SYN3: variants seen among roughly 807,000 people sequenced by gnomAD.
SYN3 encodes synapsin III, also known as synapsin-3.
Under a neutral mutation model 65.8 loss-of-function variants are expected in SYN3, and 35 were observed. That is an observed-to-expected ratio of 0.53 (90% CI 0.41 to 0.70). SYN3 has a LOEUF of 0.70. SYN3 is among the 30% of genes least tolerant of loss of function. SYN3 has a pLI of 0.00. For missense variants in SYN3, 680 were observed against 749.0 expected, an observed-to-expected ratio of 0.91 and a Z score of 1.08; for synonymous variants, 270 against 292.9, an observed-to-expected ratio of 0.92 and a Z score of 0.80.
chr22:32,528,475 G>A (rs547634656), intron 11 of SYN3, among the ~76,000 whole-genome samples: 2 of 152,268 alleles, frequency 1.3e-5, no homozygotes, highest in South Asian at 2.1e-4. Context: ...ACACAATAGC[G>A]TCCATTGACT....
chr22:32,690,787 A>G (rs2060651533), intron 6 of SYN3, among the ~76,000 whole-genome samples: 1 of 152,160 alleles, frequency 6.6e-6, no homozygotes, highest in South Asian at 2.1e-4. Context: ...ATACCAGGGG[A>G]CAGTTCTGAT....
chr22:32,739,177 G>GGA (rs1555942788), intron 6 of SYN3, among the ~76,000 whole-genome samples: 1 of 150,766 alleles, frequency 6.6e-6, no homozygotes. Context: ...GAATCACAGG[G>GGA]GGGGGGCGGT....
At chr22:32,750,000 G>GT (rs1266255180) in intron 6 of SYN3, among the ~76,000 whole-genome samples, 4 of 152,198 alleles carry the variant, frequency 2.6e-5, no homozygotes, top group African/African-American at 9.7e-5. Context: ...TTGAAGGAGG[G>GT]TAGACGTAGG....
intron 6 of SYN3, among the ~76,000 whole-genome samples, chr22:32,632,861 G>A (rs1231777973): frequency 1.3e-5 from 2 of 152,210 alleles, no homozygotes; most frequent in East Asian, 1.9e-4. Context: ...CAAGACCCGG[G>A]GACCGCCGTG....
intron 6 of SYN3, chr22:32,862,415 T>C (rs1249840496): frequency 6.6e-6 from 1 of 152,276 alleles, no homozygotes; most frequent in African/African-American, 2.4e-5. Flanking sequence ...GGTGGCAACA[T>C]GGTTCTTGAA....
chr22:32,722,313 C>A (rs1420452555), intron 6 of SYN3, among the ~76,000 whole-genome samples: 12 of 151,976 alleles, frequency 7.9e-5, no homozygotes. Flanking sequence ...CTCCCTTGAC[C>A]CTTGATGGTG....
chr22:32,823,887 T>C (rs2047327285), intron 6 of SYN3, among the ~76,000 whole-genome samples: 1 of 152,146 alleles, frequency 6.6e-6, no homozygotes, highest in Non-Finnish European at 1.5e-5. Flanking sequence ...CAGGTGATTA[T>C]AGGTGAAGGT....
At chr22:32,658,680 A>G (rs374561132) in intron 6 of SYN3, among the ~76,000 whole-genome samples, 13 of 152,182 alleles carry the variant, frequency 8.5e-5, no homozygotes, top group African/African-American at 3.1e-4. Flanking sequence ...TGACAATGGG[A>G]TTTAGGGTGA....
intron 6 of SYN3, among the ~76,000 whole-genome samples, chr22:32,830,971 A>C (rs2047557198): frequency 6.6e-6 from 1 of 152,148 alleles, no homozygotes; most frequent in Non-Finnish European, 1.5e-5. Flanking sequence ...TTCCCCAACC[A>C]GGGGCACAGG....
chr22:32,825,132 G>A (rs2047364595), intron 6 of SYN3, among the ~76,000 whole-genome samples: 1 of 152,088 alleles, frequency 6.6e-6, no homozygotes, highest in South Asian at 2.1e-4. Flanking sequence ...TAGGGACAGG[G>A]GCAGTGGGTG....
At chr22:32,843,198 C>T (rs1255314824) in intron 6 of SYN3, among the ~76,000 whole-genome samples, 1 of 152,182 alleles carries the variant, frequency 6.6e-6, no homozygotes, top group African/African-American at 2.4e-5. Context: ...TACCAGCTTG[C>T]CATGAGGACA....
chr22:32,783,143 C>G (rs920400032), intron 6 of SYN3: 2 of 152,216 alleles, frequency 1.3e-5, no homozygotes, highest in African/African-American at 4.8e-5. Flanking sequence ...GTCACTAAGA[C>G]CGGGTTTCTC....
chr22:32,627,808 A>G (rs1229875897), intron 6 of SYN3, among the ~76,000 whole-genome samples: 1 of 144,328 alleles, frequency 6.9e-6, no homozygotes, highest in African/African-American at 2.6e-5. Context: ...AACACAGAGG[A>G]GCATTTTTTT....
chr22:32,877,849 A>G (rs1403094090), intron 4 of SYN3, among the ~76,000 whole-genome samples: 1 of 152,114 alleles, frequency 6.6e-6, no homozygotes, highest in African/African-American at 2.4e-5. Context: ...GCTTCATGGA[A>G]TCATCTCCAT....
chr22:32,631,069 G>A (rs530661868), intron 6 of SYN3, among the ~76,000 whole-genome samples: 5 of 136,092 alleles, frequency 3.7e-5, no homozygotes, highest in Admixed American at 6.9e-5. Flanking sequence ...CGAGGCGGGC[G>A]GATCACCTGA....
intron 6 of SYN3, among the ~76,000 whole-genome samples, chr22:32,627,149 G>A (rs7290248): frequency 0.1 from 15,094 of 149,952 alleles, 1,867 homozygotes; most frequent in African/African-American, 0.3. Context: ...GGGTGGCAGT[G>A]CGGCGGGCGG....
intron 4 of SYN3, among the ~76,000 whole-genome samples, chr22:32,907,953 T>C (rs1403213378): frequency 6.6e-6 from 1 of 152,212 alleles, no homozygotes; most frequent in Non-Finnish European, 1.5e-5. Context: ...GGGAAGATCA[T>C]TATCATCCAC....
At chr22:32,850,038 C>A (rs2048175845) in intron 6 of SYN3, among the ~76,000 whole-genome samples, 1 of 151,078 alleles carries the variant, frequency 6.6e-6, no homozygotes, top group African/African-American at 2.4e-5. Context: ...TCACAGGAAC[C>A]TCATCCCAAG....
intron 7 of SYN3, among the ~76,000 whole-genome samples, chr22:32,561,110 C>T (rs2058580553): frequency 6.6e-6 from 1 of 152,160 alleles, no homozygotes; most frequent in South Asian, 2.1e-4. Context: ...CAGCCCCAGT[C>T]AGACGACAGA....
Sources: gnomAD v4.1 joint callset for allele counts (sites outside exome capture counted in the v4.1 genomes callset) on GRCh38, gnomAD v4.1.1 for gene constraint, MANE v1.5 for transcripts, NCBI Gene and HGNC (gene_info 2026-07-23, HGNC 2026-07-21) for gene names.